Variants in PEPD observed in about 807,000 individuals in gnomAD.
PEPD encodes the protein xaa-Pro dipeptidase.
PEPD carries 53 observed loss-of-function variants against 60.7 expected under a neutral mutation model. That is an observed-to-expected ratio of 0.87 (90% confidence interval 0.70 to 1.10). The LOEUF (loss-of-function observed/expected upper bound fraction) is 1.10. PEPD is among the 50% of genes least tolerant of loss of function. The pLI is 0.00. For missense variants in PEPD, 711 were observed against 711.9 expected, an observed-to-expected ratio of 1.00 and a Z score of 0.01; for synonymous variants, 267 against 284.1, an observed-to-expected ratio of 0.94 and a Z score of 0.60.
chr19:33,407,140 A>G (rs1287917882), intron 11 of PEPD, among the ~76,000 whole-genome samples: 1 of 152,220 alleles, frequency 6.6e-6, no homozygotes, highest in African/African-American at 2.4e-5. Context: ...CAGTAGATTA[A>G]GGCCCCCCTC....
At chr19:33,521,138 G>A (rs1971122814) in intron 1 of PEPD, among the ~76,000 whole-genome samples, 2 of 152,200 alleles carry the variant, frequency 1.3e-5, no homozygotes, top group South Asian at 2.1e-4. Context: ...AGCACCTACT[G>A]TGTGCAAGGC....
chr19:33,516,114 T>C (rs1031230631), intron 1 of PEPD, among the ~76,000 whole-genome samples: 4 of 152,002 alleles, frequency 2.6e-5, no homozygotes, highest in African/African-American at 9.7e-5. Flanking sequence ...CAAGGCAATA[T>C]GCTACAGTCA....
At chr19:33,493,218 A>C in intron 5 of PEPD, 72 bp downstream of exon 5, 1 of 1,057,334 alleles carries the variant, frequency 9.5e-7, no homozygotes, top group Non-Finnish European at 1.5e-6. Flanking sequence ...CGACCTCTGC[A>C]GGAGAGGTGG....
In PEPD at chr19:33,463,020, C is replaced by T; in HGVS notation, c.646G>A (p.Gly216Arg). Residue 216 changes from glycine (G) to arginine (R), a missense_variant, in exon 9 of 15, where the codon GGA becomes AGA. Gly to Arg is a moderately radical substitution (Grantham distance 125, BLOSUM62 -2). Transcript: ENST00000244137. ...HREVMKAVKV[G>R]MKEYELESLF... ...CTTTCCAACTCATATTCTTTCATTC[C>T]CACTTTTACAGCCTTCATTACCTGG... is the stretch of plus-strand genomic sequence containing the variant. 6.3e-7 allele frequency: 1 copy of T among 1,599,224 alleles called. No homozygotes were observed. The highest frequency in any genetic ancestry group is 8.6e-7 in the Non-Finnish European group (1 of 1,166,470).
chr19:33,408,556 C>A (rs1326581567), intron 11 of PEPD, among the ~76,000 whole-genome samples: 1 of 152,200 alleles, frequency 6.6e-6, no homozygotes, highest in African/African-American at 2.4e-5. Context: ...TAGTACCCCC[C>A]ACCCTTCTGC....
At chr19:33,483,418 T>C (rs117285608) in intron 6 of PEPD, among the ~76,000 whole-genome samples, 1,810 of 152,290 alleles carry the variant, frequency 0.012, 28 homozygotes, top group South Asian at 0.07. Context: ...GAGAACCCTG[T>C]GTGACACAGA....
intron 9 of PEPD, among the ~76,000 whole-genome samples, chr19:33,460,555 T>C (rs1396312713): frequency 6.6e-6 from 1 of 152,146 alleles, no homozygotes; most frequent in Non-Finnish European, 1.5e-5. Context: ...AGGAACAGCC[T>C]CCATCTCTTG....
At chr19:33,410,917 G>A (rs1968750099) in intron 11 of PEPD, among the ~76,000 whole-genome samples, 1 of 152,120 alleles carries the variant, frequency 6.6e-6, no homozygotes, top group South Asian at 2.1e-4. Flanking sequence ...CAGGGCACAG[G>A]CAAAGAACGC....
intron 12 of PEPD, 47 bp downstream of exon 12, chr19:33,401,671 GCCC>G: frequency 6.4e-7 from 1 of 1,555,720 alleles, no homozygotes; most frequent in South Asian, 1.2e-5. Context: ...ACATAGCAGC[GCCC>G]CCAACGCCAC....
intron 4 of PEPD, among the ~76,000 whole-genome samples, chr19:33,497,607 ACAAGC>A (rs1568502873): frequency 0.011 from 1,705 of 152,270 alleles, 34 homozygotes; most frequent in African/African-American, 0.039. Context: ...TTCAGAGGAG[ACAAGC>A]GTTGGCTGTG....
At chr19:33,389,858 G>A (rs564199749) in intron 13 of PEPD, among the ~76,000 whole-genome samples, 7 of 152,384 alleles carry the variant, frequency 4.6e-5, no homozygotes, top group African/African-American at 1.7e-4. Flanking sequence ...CTAGGGGCCT[G>A]CCCGGGGGAC....
chr19:33,397,035 G>A (rs1043471139), intron 12 of PEPD, among the ~76,000 whole-genome samples: 5 of 152,122 alleles, frequency 3.3e-5, no homozygotes, highest in South Asian at 2.1e-4. Flanking sequence ...CACAGGAGCC[G>A]CGCTGAGCTT....
chr19:33,451,166 C>T (rs1379798373), intron 9 of PEPD, among the ~76,000 whole-genome samples: 1 of 152,224 alleles, frequency 6.6e-6, no homozygotes, highest in Non-Finnish European at 1.5e-5. Context: ...TTTAATAAAG[C>T]TGTTTCTTCC....
At chr19:33,460,559 T>C (rs1969907208) in intron 9 of PEPD, among the ~76,000 whole-genome samples, 1 of 152,076 alleles carries the variant, frequency 6.6e-6, no homozygotes, top group African/African-American at 2.4e-5. Context: ...ACAGCCTCCA[T>C]CTCTTGTTCT....
intron 3 of PEPD, among the ~76,000 whole-genome samples, chr19:33,510,260 A>G (rs1344366324): frequency 6.6e-6 from 1 of 152,222 alleles, no homozygotes; most frequent in African/African-American, 2.4e-5. Context: ...AGAAAACGAC[A>G]TGGACACACG....
chr19:33,472,999 C>G (rs1372730493), intron 7 of PEPD, among the ~76,000 whole-genome samples: 2 of 152,174 alleles, frequency 1.3e-5, no homozygotes, highest in East Asian at 3.9e-4. Flanking sequence ...TCCAAGAAAC[C>G]AAAGCCATGA....
At chr19:33,396,784 G>A (rs1432745016) in intron 12 of PEPD, among the ~76,000 whole-genome samples, 1 of 152,126 alleles carries the variant, frequency 6.6e-6, no homozygotes, top group Non-Finnish European at 1.5e-5. Flanking sequence ...CTTGCAGGCG[G>A]AGGGCATGGG....
chr19:33,473,729 G>A (rs888152519), intron 7 of PEPD, among the ~76,000 whole-genome samples: 34 of 152,144 alleles, frequency 2.2e-4, no homozygotes, highest in African/African-American at 7.7e-4. Flanking sequence ...CAGAACCACA[G>A]CCTAAATTAT....
At chr19:33,504,145 A>C (rs941299254) in intron 3 of PEPD, among the ~76,000 whole-genome samples, 32 of 152,196 alleles carry the variant, frequency 2.1e-4, no homozygotes, top group Non-Finnish European at 4.4e-4. Flanking sequence ...CTTATTTTTC[A>C]TGTTTGGGGG....
Sources: allele counts gnomAD v4.1 joint callset (sites outside exome capture counted in the v4.1 genomes callset), GRCh38; gene constraint gnomAD v4.1.1; transcripts MANE v1.5; gene names NCBI Gene and HGNC (gene_info 2026-07-23, HGNC 2026-07-21).